The following NEK6 variants were observed in gnomAD, a reference collection of about 807,000 sequenced individuals.
NEK6 encodes the protein NIMA related kinase 6.
A neutral mutation model predicts 43.5 loss-of-function variants in NEK6; 27 were observed. The ratio of observed to expected loss-of-function variants is 0.62; its 90% CI spans 0.46 to 0.86. The LOEUF is 0.86. Ranked by LOEUF, NEK6 falls within the 40% of genes least tolerant of loss-of-function variation. The probability of loss-of-function intolerance (pLI) is 0.00; values close to 1 mark genes in which losing one functional copy is unlikely to be tolerated. For synonymous variants in NEK6, 167 were observed against 164.1 expected (o/e 1.02, Z -0.14); for missense variants, 318 against 414.4 (o/e 0.77, Z 2.02).
At chr9:124,261,632 C>T (rs577912170) in intron 1 of NEK6, 1 of 960,786 alleles carries the variant, frequency 1.0e-6, no homozygotes, top group African/African-American at 1.8e-5. Context: ...GCCTTTTTTC[C>T]CTGCTCATTT....
At chr9:124,314,062 A>C in intron 4 of NEK6, 77 bp downstream of exon 4, 1 of 1,314,482 alleles carries the variant, frequency 7.6e-7, no homozygotes, top group Non-Finnish European at 1.1e-6. Context: ...CATCATGTCC[A>C]TCACAGCCCT....
In NEK6 at chr9:124,326,299, C is replaced by A; in HGVS notation, c.406-31C>A. The A allele has an allele frequency of 6.4e-7, 1 of 1,554,238 alleles. No individual in the cohort carries two copies. Among genetic ancestry groups the A allele is most frequent in the Non-Finnish European group, 8.8e-7 (1 of 1,132,538 alleles). ...CCACCTCCAAGCCCGCTCACCCGGG[C>A]CTATCCCTCTGCTTGTCTCCCCCAC... On this transcript the variant is annotated intron_variant, in intron 5 of 9. Transcript: ENST00000320246. This position sits in a 1 kb window ranked among gnomAD's most constrained non-coding sequence, Gnocchi z 4.5.
chr9:124,328,061 C>G (rs578227713), intron 7 of NEK6, among the ~76,000 whole-genome samples: 25 of 152,126 alleles, frequency 1.6e-4, no homozygotes, highest in Non-Finnish European at 3.4e-4. Flanking sequence ...GAACTCTGAG[C>G]TCAGTGGGCT....
intron 1 of NEK6, among the ~76,000 whole-genome samples, chr9:124,272,251 C>T (rs1269782486): frequency 6.6e-6 from 1 of 152,230 alleles, no homozygotes; most frequent in Non-Finnish European, 1.5e-5. Flanking sequence ...AGCTGCCCTC[C>T]CTAAGGAATT....
At chr9:124,297,543 A>G (rs1832752213) in intron 1 of NEK6, among the ~76,000 whole-genome samples, 2 of 152,174 alleles carry the variant, frequency 1.3e-5, no homozygotes, top group African/African-American at 2.4e-5. Flanking sequence ...ACGGCAGCCT[A>G]AAGCCAGGAA....
intron 7 of NEK6, among the ~76,000 whole-genome samples, chr9:124,338,409 G>A (rs1829399204): frequency 6.6e-6 from 1 of 152,184 alleles, no homozygotes; most frequent in African/African-American, 2.4e-5. Flanking sequence ...TGAATAAGGG[G>A]GTAGTTTGTC....
At chr9:124,307,437 C>G (rs1833310629) in intron 2 of NEK6, among the ~76,000 whole-genome samples, 1 of 152,218 alleles carries the variant, frequency 6.6e-6, no homozygotes, top group African/African-American at 2.4e-5. Context: ...CACCAGTTTC[C>G]TGCTGCTCCC....
chr9:124,344,387 GGCCACC>G (rs1829807911), intron 8 of NEK6, among the ~76,000 whole-genome samples: 2 of 152,218 alleles, frequency 1.3e-5, no homozygotes, highest in South Asian at 2.1e-4. Flanking sequence ...GACCTCCTGT[GGCCACC>G]GGAGTTGCTG....
At chr9:124,282,153 A>T (rs755519845) in intron 1 of NEK6, among the ~76,000 whole-genome samples, 1 of 152,228 alleles carries the variant, frequency 6.6e-6, no homozygotes, top group Non-Finnish European at 1.5e-5. Context: ...TGGAGGCGTG[A>T]TGCCTGAAAT....
chr9:124,292,127 T>G (rs752933669), intron 1 of NEK6: 16 of 1,112,054 alleles, frequency 1.4e-5, no homozygotes, highest in Non-Finnish European at 1.8e-5. Flanking sequence ...TGGGAACCGC[T>G]TGCTCTTAGG....
At chr9:124,325,052 G>A (rs542365363) in intron 5 of NEK6, among the ~76,000 whole-genome samples, 6 of 152,282 alleles carry the variant, frequency 3.9e-5, no homozygotes, top group African/African-American at 1.4e-4. Flanking sequence ...GCGCACACCT[G>A]TAATCCCAGC....
intron 2 of NEK6, among the ~76,000 whole-genome samples, chr9:124,305,675 G>A (rs1212320629): frequency 6.6e-6 from 1 of 152,122 alleles, no homozygotes; most frequent in Non-Finnish European, 1.5e-5. Flanking sequence ...GCCTTTGGGG[G>A]CTCCCAGTCT....
chr9:124,331,826 C>T lies in NEK6; in HGVS notation c.622+4381C>T, dbSNP rs985524801. On this transcript the variant is annotated intron_variant, in intron 7 of 9. Transcript: ENST00000320246. ...CTGGGGACACCTGTCCGTGCAGGTG[C>T]GGAGGGCCATGCAGATGCATCCCAG... Among the ~76,000 whole-genome samples, 4 of 152,224 alleles carry T rather than the reference C, an allele frequency of 2.6e-5. 1 individual carries two copies. The highest frequency in any genetic ancestry group is 1.9e-4 in the East Asian group (1 of 5,198).
intron 1 of NEK6, among the ~76,000 whole-genome samples, chr9:124,281,762 G>A (rs1159959740): frequency 6.6e-6 from 1 of 152,122 alleles, no homozygotes; most frequent in East Asian, 1.9e-4. Flanking sequence ...GCCTCCCAAA[G>A]TGCTGGGATT....
intron 3 of NEK6, among the ~76,000 whole-genome samples, chr9:124,313,460 CG>C (rs1833649232): frequency 6.6e-6 from 1 of 152,058 alleles, no homozygotes. Context: ...CTCTGCCTCC[CG>C]GGTTCAAGCG....
chr9:124,294,182 A>T (rs1176438782), intron 1 of NEK6, among the ~76,000 whole-genome samples: 2 of 152,230 alleles, frequency 1.3e-5, no homozygotes, highest in African/African-American at 4.8e-5. Flanking sequence ...CCTGACCAAC[A>T]TGGCGAAACC....
chr9:124,350,501 GACAC>G (rs55896623), intron 9 of NEK6, among the ~76,000 whole-genome samples: 65,847 of 150,618 alleles, frequency 0.44, 14,928 homozygotes, highest in Non-Finnish European at 0.51. Context: ...ACTGACAGCA[GACAC>G]ACACACACAC....
intron 4 of NEK6, among the ~76,000 whole-genome samples, chr9:124,319,444 G>A (rs1056480147): frequency 1.3e-5 from 2 of 152,126 alleles, no homozygotes; most frequent in Admixed American, 6.5e-5. Context: ...CCATGCAGAA[G>A]CTCTTTCATT....
chr9:124,317,092 G>A (rs1178257380), intron 4 of NEK6, among the ~76,000 whole-genome samples: 1 of 152,174 alleles, frequency 6.6e-6, no homozygotes, highest in African/African-American at 2.4e-5. Context: ...TCAGAGATTT[G>A]AAGGCACTTT....
Sources: gnomAD v4.1 joint callset for allele counts (sites outside exome capture counted in the v4.1 genomes callset) on GRCh38, gnomAD v4.1.1 for gene constraint, Gnocchi (gnomAD v3.1) non-coding constraint, MANE v1.5 for transcripts, NCBI Gene and HGNC (gene_info 2026-07-23, HGNC 2026-07-21) for gene names.